The following ERMP1 variants were observed in gnomAD, a reference collection of about 807,000 sequenced individuals.
ERMP1 encodes the protein endoplasmic reticulum metallopeptidase 1.
A neutral mutation model predicts 92.0 loss-of-function variants in ERMP1; 86 were observed. The ratio of observed to expected loss-of-function variants is 0.93; its 90% CI spans 0.79 to 1.12. The LOEUF (loss-of-function observed/expected upper bound fraction) is 1.12, where lower values mean the gene tolerates loss of function less well. Among genes scored for constraint, ERMP1 ranks in the 50% most tolerant of loss-of-function variants. The pLI is 0.00. For missense variants in ERMP1, 1,342 were observed against 1,116.3 expected (o/e 1.20, Z -2.88); for synonymous variants, 530 against 412.8 (o/e 1.28, Z -3.44).
chr9:5,811,050 A>G (rs1002585139), intron 7 of ERMP1, 61 bp downstream of exon 7: 5 of 1,208,228 alleles, frequency 4.1e-6, no homozygotes, highest in Admixed American at 3.7e-5. Context: ...AACTGACTGA[A>G]AAACTTCAAG....
chr9:5,854,843 A>G (rs747620953), intron 6 of ERMP1, among the ~76,000 whole-genome samples: 11 of 152,168 alleles, frequency 7.2e-5, no homozygotes, highest in Non-Finnish European at 1.3e-4. Flanking sequence ...TATTACTTCT[A>G]TACATAAGAC....
chr9:5,850,694 A>G (rs2129756074), intron 6 of ERMP1, among the ~76,000 whole-genome samples: 1 of 152,294 alleles, frequency 6.6e-6, no homozygotes, highest in African/African-American at 2.4e-5. Flanking sequence ...TATTCAGTTA[A>G]TTTGGATGGT....
At chr9:5,867,007 C>A (rs1830689168) in intron 5 of ERMP1, among the ~76,000 whole-genome samples, 1 of 152,128 alleles carries the variant, frequency 6.6e-6, no homozygotes, top group Non-Finnish European at 1.5e-5. Context: ...GGAGTTTGAG[C>A]AACATGGTGA....
At chr9:5,809,070 G>A (rs925164171) in intron 8 of ERMP1, among the ~76,000 whole-genome samples, 7 of 151,956 alleles carry the variant, frequency 4.6e-5, no homozygotes, top group Non-Finnish European at 8.8e-5. Context: ...CGCCCCAGCT[G>A]GAGTGCAGTG....
intron 2 of ERMP1, among the ~76,000 whole-genome samples, chr9:5,828,247 G>A (rs1829801136): frequency 6.6e-6 from 1 of 152,274 alleles, no homozygotes; most frequent in South Asian, 2.1e-4. Context: ...TGTTTGTAAA[G>A]AGTAACTGAA....
chr9:5,822,234 G>A (rs1012558296), intron 4 of ERMP1, among the ~76,000 whole-genome samples: 8 of 152,142 alleles, frequency 5.3e-5, no homozygotes, highest in South Asian at 2.1e-4. Context: ...CCTGGGCAAC[G>A]GAGTGAGACC....
At chr9:5,791,165 T>G in intron 13 of ERMP1, 1 of 454,934 alleles carries the variant, frequency 2.2e-6, no homozygotes, top group South Asian at 1.6e-5. Context: ...ACCAACAGGA[T>G]GTGTACAGAG....
chr9:5,820,512 T>G (rs959580943), intron 4 of ERMP1, among the ~76,000 whole-genome samples: 149 of 152,224 alleles, frequency 9.8e-4, no homozygotes, highest in African/African-American at 3.4e-3. Context: ...TGTGACCCTT[T>G]TGCTATCAAG....
upstream of ERMP1, among the ~76,000 whole-genome samples, chr9:5,833,750 G>T (rs985176207): frequency 6.6e-6 from 1 of 152,182 alleles, no homozygotes; most frequent in Non-Finnish European, 1.5e-5. Context: ...AACAGATGAA[G>T]AATGTAAATC....
chr9:5,834,959 T>TGATA (rs58237509), upstream of ERMP1, among the ~76,000 whole-genome samples: 282 of 143,590 alleles, frequency 2.0e-3, 8 homozygotes, highest in South Asian at 3.7e-3. Flanking sequence ...GATAGACAGA[T>TGATA]GATAGATGGA....
At chr9:5,854,323 A>G (rs9299022) in intron 6 of ERMP1, among the ~76,000 whole-genome samples, 77,220 of 151,978 alleles carry the variant, frequency 0.51, 22,591 homozygotes, top group South Asian at 0.69. Flanking sequence ...TCTCATCATC[A>G]TAACACTCTT....
At chr9:5,803,669 C>G (rs1828760061) in intron 10 of ERMP1, among the ~76,000 whole-genome samples, 2 of 152,172 alleles carry the variant, frequency 1.3e-5, no homozygotes, top group African/African-American at 4.8e-5. Context: ...CAAAAGTCCA[C>G]TGTCTCCTTC....
intron 5 of ERMP1, among the ~76,000 whole-genome samples, chr9:5,866,036 A>T (rs1217617391): frequency 1.3e-5 from 2 of 151,962 alleles, no homozygotes; most frequent in Non-Finnish European, 2.9e-5. Context: ...TTTAATAATA[A>T]TTTTTTAATC....
intron 10 of ERMP1, among the ~76,000 whole-genome samples, chr9:5,803,376 T>C (rs1396667279): frequency 6.6e-6 from 1 of 152,216 alleles, no homozygotes; most frequent in Admixed American, 6.5e-5. Flanking sequence ...CAATAAAATA[T>C]AATTTAGATG....
chr9:5,802,940 C>T (rs568013824), intron 10 of ERMP1, among the ~76,000 whole-genome samples: 5 of 152,126 alleles, frequency 3.3e-5, no homozygotes, highest in South Asian at 2.1e-4. Context: ...GGCCGAGGCA[C>T]GAGAATTGCT....
chr9:5,859,912 A>T (rs867341938), intron 5 of ERMP1, among the ~76,000 whole-genome samples: 1 of 152,156 alleles, frequency 6.6e-6, no homozygotes, highest in African/African-American at 2.4e-5. Context: ...CTTTGAAAAA[A>T]CCACACCCCT....
rs770710463 is a variant in ERMP1, at chr9:5,787,215, G to C, written c.2644C>G (p.Leu882Val). The C allele has an allele frequency of 2.6e-5, 42 of 1,613,996 alleles. No homozygotes were observed. Among genetic ancestry groups the C allele is most frequent in the Non-Finnish European group, 3.4e-5 (40 of 1,180,008 alleles). ...EDKRSPQLDA[L>V]KEKFPDWTFP... ...GTCCAATCTGGGAACTTTTCCTTCA[G>C]AGCATCCAGTTGAGGGGATCTCTTG... Residue 882 changes from leucine to valine, a missense_variant, in exon 15 of 15, where the codon CTG becomes GTG. By Grantham distance (32) the Leu-to-Val change is conservative. Transcript: ENST00000339450.
Position 5,810,229 on chromosome 9 carries a change from C to T in ERMP1, c.1330G>A (p.Gly444Ser). 1 of 1,612,128 alleles carries T rather than the reference C, an allele frequency of 6.2e-7. No individual in the cohort carries two copies. Among genetic ancestry groups the T allele is most frequent in the African/African-American group, 1.3e-5 (1 of 74,996 alleles). The change falls in exon 8 of 15, where the codon GGT (glycine) becomes AGT (serine). Residue 444 changes from glycine to serine, a missense_variant and splice_region_variant. Physicochemically the swap from Gly to Ser is moderately conservative, Grantham distance 56. Coordinates refer to ENST00000339450, the MANE Select transcript of ERMP1 (RefSeq NM_024896.3). Reference sequence around the variant, plus strand: ...CACAAGAAGTCCTTCTTGTAGTTACCAGCTAATGAAGAGAAAACAAAAAGT... The same window carrying T: ...CACAAGAAGTCCTTCTTGTAGTTACTAGCTAATGAAGAGAAAACAAAAAGT... ...KKFLQPKHKTGNYKKDFLCGL... is the reference protein window; with the variant it reads ...KKFLQPKHKTSNYKKDFLCGL...
At chr9:5,804,903 C>G (rs532928128) in intron 10 of ERMP1, 124 bp downstream of exon 10, 21 of 714,366 alleles carry the variant, frequency 2.9e-5, no homozygotes, top group South Asian at 2.6e-4. Flanking sequence ...CATTCATTCA[C>G]CATTTCTTCT....
Sources: allele counts gnomAD v4.1 joint callset (sites outside exome capture counted in the v4.1 genomes callset), GRCh38; gene constraint gnomAD v4.1.1; transcripts MANE v1.5; gene names NCBI Gene and HGNC (gene_info 2026-07-23, HGNC 2026-07-21).